TOMM34: variants seen among roughly 807,000 people sequenced by gnomAD.
TOMM34 encodes translocase of outer mitochondrial membrane 34.
A neutral mutation model predicts 37.4 loss-of-function variants in TOMM34; 24 were observed. The ratio of observed to expected loss-of-function variants is 0.64; its 90% CI spans 0.46 to 0.90. TOMM34 has a LOEUF of 0.90. Among genes scored for constraint, TOMM34 ranks in the 40% least tolerant of loss-of-function variants. TOMM34 has a pLI of 0.00. For missense variants in TOMM34, 304 were observed against 375.6 expected (o/e 0.81, Z 1.58); for synonymous variants, 154 against 148.9 (o/e 1.03, Z -0.25).
At chr20:44,954,282 C>T (rs1244118354) in intron 3 of TOMM34, among the ~76,000 whole-genome samples, 3 of 152,106 alleles carry the variant, frequency 2.0e-5, no homozygotes, top group African/African-American at 7.2e-5. Flanking sequence ...TCCTTGAGAC[C>T]GGGACCTCTA....
chr20:44,950,758 G>A (rs763199278), intron 4 of TOMM34, among the ~76,000 whole-genome samples: 6 of 152,180 alleles, frequency 3.9e-5, no homozygotes, highest in African/African-American at 1.4e-4. Flanking sequence ...TCCTGTAGAA[G>A]GTGAGTAACT....
chr20:44,960,280 C>G lies in TOMM34; in HGVS notation c.54G>C (p.Glu18Asp). ...CGGCGTACTGGCCGTTGCGGAAACT[C>G]TCATTGCCGGCGGCGCGGAGCTCCT... ...SVEELRAAGN[E>D]SFRNGQYAEA... Residue 18 changes from glutamate to aspartate, a missense_variant, in exon 1 of 7, where the codon GAG becomes GAC. By Grantham distance (45) the Glu-to-Asp change is conservative. Transcript: ENST00000372813. 1 of 1,581,932 alleles carries G rather than the reference C, an allele frequency of 6.3e-7. No homozygotes were observed. The highest frequency in any genetic ancestry group is 8.6e-7 in the Non-Finnish European group (1 of 1,164,860).
intron 4 of TOMM34, among the ~76,000 whole-genome samples, 170 bp downstream of exon 4, chr20:44,951,663 T>C (rs1029080779): frequency 5.9e-5 from 9 of 152,350 alleles, no homozygotes; most frequent in South Asian, 2.1e-4. Context: ...ACCCTCACTA[T>C]ACAGCTGAGA....
chr20:44,951,295 A>G lies in TOMM34; in HGVS notation c.550+538T>C, dbSNP rs115701511. On this transcript the variant is annotated intron_variant, in intron 4 of 6. Coordinates refer to ENST00000372813, the MANE Select transcript of TOMM34 (RefSeq NM_006809.5). ...TATGGATGTGAGGCCGGGAACTGCT[A>G]TAGCTATTTTGCTACTAGGAGGGAA... is the stretch of plus-strand genomic sequence containing the variant. Among the ~76,000 whole-genome samples, 644 of 152,254 alleles carry G rather than the reference A, an allele frequency of 4.2e-3. 4 individuals carry two copies. The highest frequency in any genetic ancestry group is 0.015 in the African/African-American group (623 of 41,538).
chr20:44,955,061 A>G lies in TOMM34; in HGVS notation c.380+7T>C. 6.2e-7 allele frequency: 1 copy of G among 1,613,968 alleles called. No homozygotes were observed. Among genetic ancestry groups the G allele is most frequent in the Non-Finnish European group, 8.5e-7 (1 of 1,179,934 alleles). On this transcript the variant is annotated splice_region_variant and intron_variant, in intron 3 of 6. Transcript: ENST00000372813. ...CGTGGAGACCACCTGCTGGGAATGGAGCTCACCTGTTGATGCCTTCTACGG... is the reference window on the plus strand; with the variant it reads ...CGTGGAGACCACCTGCTGGGAATGGGGCTCACCTGTTGATGCCTTCTACGG...
chr20:44,954,240 G>T (rs979206304), intron 3 of TOMM34, among the ~76,000 whole-genome samples: 1 of 152,160 alleles, frequency 6.6e-6, no homozygotes, highest in Non-Finnish European at 1.5e-5. Flanking sequence ...TTATCATGTT[G>T]TATTGTGCTT....
rs761201459 is a variant in TOMM34, at chr20:44,960,187, G to A, written c.127+20C>T. On this transcript the variant is annotated intron_variant, in intron 1 of 6. Coordinates refer to ENST00000372813, the MANE Select transcript of TOMM34 (RefSeq NM_006809.5). ...GTTGGAGGAGCAGGCCCGGAGGTGAGATGGGGGCCGGGGTCGTACCTTGCG... is the reference window on the plus strand; with the variant it reads ...GTTGGAGGAGCAGGCCCGGAGGTGAAATGGGGGCCGGGGTCGTACCTTGCG... The A allele has an allele frequency of 6.4e-7, 1 of 1,550,764 alleles. No homozygotes were observed. The highest frequency in any genetic ancestry group is 1.2e-5 in the South Asian group (1 of 84,130).
intron 1 of TOMM34, 162 bp downstream of exon 1, chr20:44,960,045 G>T (rs2067111602): frequency 1.0e-6 from 1 of 979,488 alleles, no homozygotes; most frequent in Middle Eastern, 5.3e-4. Flanking sequence ...CAAGCAGGTG[G>T]AAAGAAAGGG....
chr20:44,958,140 A>ACATGTACATG (rs2067092075), intron 1 of TOMM34, among the ~76,000 whole-genome samples: 2 of 125,504 alleles, frequency 1.6e-5, no homozygotes, highest in Non-Finnish European at 3.4e-5. Flanking sequence ...GTATATGTAT[A>ACATGTACATG]TATATGTGTG....
At position 44,948,788 on chromosome 20, in the gene TOMM34, C is replaced by T. The variant is rs753357281; in HGVS notation, c.640G>A (p.Glu214Lys). Reference sequence around the variant, plus strand: ...CACAAGAGGCTTTCACTGTACTTCTCAATAGCTTTCTTATGGTTTCCCTTC... The same window carrying T: ...CACAAGAGGCTTTCACTGTACTTCTTAATAGCTTTCTTATGGTTTCCCTTC... ...VKKGNHKKAI[E>K]KYSESLLCSN... The change falls in exon 5 of 7, where the codon GAG (glutamate) becomes AAG (lysine). Residue 214 changes from glutamate to lysine, a missense_variant. Coordinates refer to ENST00000372813, the MANE Select transcript of TOMM34 (RefSeq NM_006809.5). 3.0e-5 allele frequency: 48 copies of T among 1,614,040 alleles called. No individual in the cohort carries two copies. Among genetic ancestry groups the T allele is most frequent in the Non-Finnish European group, 4.0e-5 (47 of 1,180,024 alleles).
intron 5 of TOMM34, among the ~76,000 whole-genome samples, chr20:44,944,759 GT>G (rs1362363684): frequency 6.6e-6 from 1 of 152,190 alleles, no homozygotes; most frequent in Non-Finnish European, 1.5e-5. Flanking sequence ...AAGCTGAATA[GT>G]TATTGACAGA....
chr20:44,949,742 G>GA (rs1465710119), intron 4 of TOMM34, among the ~76,000 whole-genome samples: 7 of 152,280 alleles, frequency 4.6e-5, no homozygotes, highest in Non-Finnish European at 8.8e-5. Context: ...AGTCCTGGGG[G>GA]ACCTTCCTCA....
chr20:44,960,347 C>T lies in TOMM34; in HGVS notation c.-14G>A, dbSNP rs750118449. 1.9e-6 allele frequency: 3 copies of T among 1,555,140 alleles called. No individual in the cohort carries two copies. The highest frequency in any genetic ancestry group is 2.4e-5 in the South Asian group (2 of 84,050). On this transcript the variant is annotated 5_prime_UTR_variant, in exon 1 of 7. Transcript: ENST00000372813. ...TTTGGGGGCCATCCCGTGGCCAGGC[C>T]GGCGAGTTGGGAGCTCCTTCCTTCC...
intron 3 of TOMM34, 64 bp downstream of exon 3, chr20:44,955,003 GC>G: frequency 6.3e-7 from 1 of 1,578,822 alleles, no homozygotes; most frequent in East Asian, 2.2e-5. Context: ...CAAGGCAATG[GC>G]CCGCAGCCAA....
chr20:44,960,378 C>A lies in TOMM34; in HGVS notation c.-45G>T, dbSNP rs369783328. 13 of 1,497,186 alleles carry A rather than the reference C, an allele frequency of 8.7e-6. 1 individual carries two copies. Among genetic ancestry groups the A allele is most frequent in the South Asian group, 5.2e-5 (4 of 77,072 alleles). 92.7% of individuals were successfully genotyped at this position (1,497,186 alleles called of 1,614,324 possible). ...GTTGGGAGCTCCTTCCTTCCTCCCC[C>A]GTGTGGTGCGGCACACCTTCCGGGC... On this transcript the variant is annotated 5_prime_UTR_variant, in exon 1 of 7. Transcript: ENST00000372813.
intron 1 of TOMM34, among the ~76,000 whole-genome samples, chr20:44,958,157 T>TGTGTGC (rs1324850795): frequency 1.3e-5 from 2 of 151,916 alleles, no homozygotes; most frequent in Non-Finnish European, 2.9e-5. Flanking sequence ...TGTGTGTGTG[T>TGTGTGC]GTGTGTGTTA....
chr20:44,951,972 C>T lies in TOMM34; in HGVS notation c.411G>A (p.Gly137=). Reference sequence around the variant, plus strand: ...AGGGCAGCTTCAGGCGCCACTCAGGCCCAAGCGAGTCCATGAGAGCTCTGG... The same window carrying T: ...AGGGCAGCTTCAGGCGCCACTCAGGTCCAAGCGAGTCCATGAGAGCTCTGG... The part of the protein sequence containing the change: ...RMTRALMDSL[G]PEWRLKLPSI... Residue 137 remains glycine (G), a synonymous_variant, in exon 4 of 7, where the codon GGG becomes GGA. Transcript: ENST00000372813. The T allele has an allele frequency of 6.2e-7, 1 of 1,613,580 alleles. No homozygotes were observed. Among genetic ancestry groups the T allele is most frequent in the South Asian group, 1.1e-5 (1 of 91,004 alleles).
intron 1 of TOMM34, among the ~76,000 whole-genome samples, chr20:44,959,624 G>A (rs969779309): frequency 7.9e-5 from 12 of 152,010 alleles, no homozygotes; most frequent in African/African-American, 2.9e-4. Flanking sequence ...TTGGAGGGGG[G>A]GCCTTTCTCA....
At chr20:44,956,247 G>A (rs2067071596) in intron 2 of TOMM34, 139 bp downstream of exon 2, 5 of 832,504 alleles carry the variant, frequency 6.0e-6, no homozygotes, top group Non-Finnish European at 9.6e-6. Flanking sequence ...TCAGTGACCT[G>A]GTGAAACTCA....
Sources: gnomAD v4.1 joint callset for allele counts (sites outside exome capture counted in the v4.1 genomes callset) on GRCh38, gnomAD v4.1.1 for gene constraint, MANE v1.5 for transcripts, NCBI Gene and HGNC (gene_info 2026-07-23, HGNC 2026-07-21) for gene names.